The following SDK1 variants were observed in gnomAD, a reference collection of about 807,000 sequenced individuals.
The protein encoded by SDK1 is sidekick cell adhesion molecule 1.
SDK1 carries 157 observed loss-of-function variants against 245.5 expected under a neutral mutation model. The observed-to-expected ratio is 0.64, with a 90% CI of 0.56 to 0.73. The LOEUF (loss-of-function observed/expected upper bound fraction) is 0.73, where lower values mean the gene tolerates loss of function less well. Among genes scored for constraint, SDK1 ranks in the 30% least tolerant of loss-of-function variants. The pLI, the probability that SDK1 is intolerant of heterozygous loss-of-function variation, is 0.00. For missense variants in SDK1, 3,583 were observed against 3,002.3 expected, an observed-to-expected ratio of 1.19 and a Z score of -4.52; for synonymous variants, 1,647 against 1,278.5, an observed-to-expected ratio of 1.29 and a Z score of -6.15.
chr7:3,752,864 C>G (rs1282724902), intron 4 of SDK1, among the ~76,000 whole-genome samples: 1 of 152,204 alleles, frequency 6.6e-6, no homozygotes, highest in Non-Finnish European at 1.5e-5. Context: ...TATCTTAACA[C>G]AGTCTTGGAA....
chr7:4,242,014 G>A, intron 43 of SDK1, 101 bp downstream of exon 43: 3 of 1,429,838 alleles, frequency 2.1e-6, no homozygotes, highest in Non-Finnish European at 2.8e-6. Context: ...CCGCCCTGTG[G>A]TTCCAGGAAG....
At chr7:3,527,365 G>C (rs537376020) in intron 1 of SDK1, among the ~76,000 whole-genome samples, 1 of 152,284 alleles carries the variant, frequency 6.6e-6, no homozygotes, top group East Asian at 1.9e-4. Flanking sequence ...TGAACGTGGA[G>C]ATGAAGGCAT....
intron 5 of SDK1, among the ~76,000 whole-genome samples, chr7:3,888,909 A>G (rs1781395577): frequency 6.6e-6 from 1 of 152,242 alleles, no homozygotes; most frequent in South Asian, 2.1e-4. Context: ...TGTGTCTAAA[A>G]ATTGCAAGAG....
At chr7:3,859,792 C>G (rs1043957370) in intron 5 of SDK1, among the ~76,000 whole-genome samples, 1 of 152,194 alleles carries the variant, frequency 6.6e-6, no homozygotes, top group African/African-American at 2.4e-5. Flanking sequence ...TCACACTTCT[C>G]CAGATCCATT....
At position 4,079,577 on chromosome 7, in the gene SDK1, A is replaced by G; in HGVS notation, c.3317A>G (p.Glu1106Gly). 6.2e-7 allele frequency: 1 copy of G among 1,614,100 alleles called. No individual in the cohort carries two copies. Among genetic ancestry groups the G allele is most frequent in the Admixed American group, 1.7e-5 (1 of 60,024 alleles). Residue 1106 changes from glutamate to glycine, a missense_variant, in exon 22 of 45, where the codon GAG becomes GGG. Glu to Gly is a moderately conservative substitution (Grantham distance 98). Transcript: ENST00000404826. ...GKTSISRWIV[E>G]GQVGAIGDEE... ...ACGTCCATCTCCAGGTGGATTGTTG[A>G]GGGGCAGGTACGTGTGTCGTTAGAC...
At chr7:4,183,072 AT>A (rs1417584525) in intron 35 of SDK1, among the ~76,000 whole-genome samples, 1 of 152,086 alleles carries the variant, frequency 6.6e-6, no homozygotes, top group Non-Finnish European at 1.5e-5. Context: ...GGTGCTGCTG[AT>A]TGGCTGGGGA....
chr7:3,504,624 T>G (rs556360221), intron 1 of SDK1, among the ~76,000 whole-genome samples: 6 of 152,152 alleles, frequency 3.9e-5, no homozygotes, highest in Non-Finnish European at 8.8e-5. Context: ...AAAGAATGTT[T>G]AGATCCCTAC....
At chr7:3,480,272 C>T (rs530784832) in intron 1 of SDK1, among the ~76,000 whole-genome samples, 69 of 152,200 alleles carry the variant, frequency 4.5e-4, no homozygotes, top group East Asian at 9.7e-4. Context: ...TGAAAGCTAG[C>T]GGTATCAACA....
chr7:3,894,190 T>C (rs972013973), intron 5 of SDK1, among the ~76,000 whole-genome samples: 4 of 152,246 alleles, frequency 2.6e-5, no homozygotes, highest in African/African-American at 9.6e-5. Context: ...AACATTTTAA[T>C]GTACTACCGA....
chr7:3,607,218 T>C (rs1348492070), intron 1 of SDK1, among the ~76,000 whole-genome samples: 1 of 152,178 alleles, frequency 6.6e-6, no homozygotes, highest in Non-Finnish European at 1.5e-5. Context: ...CCTTTTATTT[T>C]AAGGCTCACC....
chr7:3,613,526 C>A (rs1376600515), intron 1 of SDK1, among the ~76,000 whole-genome samples: 1 of 152,112 alleles, frequency 6.6e-6, no homozygotes. Context: ...TTTTGATTTG[C>A]ATTTCTCTAA....
rs1562849367 is a variant in SDK1, at chr7:4,127,267, G to C, written c.3824-114G>C. 3.9e-6 allele frequency: 3 copies of C among 776,482 alleles called. No homozygotes were observed. The South Asian group carries it at 4.5e-5, about 12-fold the overall frequency. 48.1% of individuals were successfully genotyped at this position (776,482 alleles called of 1,614,324 possible). ...AGGTTTAATCTGATCACTACAAAATGCTTAGAATACGTTGCTATTTCAAGG... is the reference window on the plus strand; with the variant it reads ...AGGTTTAATCTGATCACTACAAAATCCTTAGAATACGTTGCTATTTCAAGG... On this transcript the variant is annotated intron_variant, in intron 25 of 44. Coordinates refer to ENST00000404826, the MANE Select transcript of SDK1 (RefSeq NM_152744.4).
At chr7:3,725,154 T>G (rs1455453321) in intron 4 of SDK1, among the ~76,000 whole-genome samples, 2 of 152,190 alleles carry the variant, frequency 1.3e-5, no homozygotes, top group Non-Finnish European at 2.9e-5. Flanking sequence ...AGAGTTCAGT[T>G]AAGAAGGAAT....
At chr7:3,438,027 C>T (rs1005525649) in intron 1 of SDK1, among the ~76,000 whole-genome samples, 17 of 152,132 alleles carry the variant, frequency 1.1e-4, no homozygotes. Flanking sequence ...TGGAATTATT[C>T]TGCATTTTAT....
Position 4,233,278 on chromosome 7 carries a change from G to A in SDK1, c.5851G>A (p.Val1951Met), listed in dbSNP as rs747039582. The change falls in exon 41 of 45, where the codon GTG becomes ATG. Residue 1951 changes from valine to methionine, a missense_variant. By Grantham distance (21) the Val-to-Met change is conservative. Coordinates refer to ENST00000404826, the MANE Select transcript of SDK1 (RefSeq NM_152744.4). ...PSDEGLWDMF[V>M]KDIPRSATSY... ...AGATGAAGGCTTATGGGACATGTTTGTGAAGGACATCCCGCGGAGCGCCAC... is the reference window on the plus strand; with the variant it reads ...AGATGAAGGCTTATGGGACATGTTTATGAAGGACATCCCGCGGAGCGCCAC... 6.2e-7 allele frequency: 1 copy of A among 1,613,824 alleles called. No homozygotes were observed. The highest frequency in any genetic ancestry group is 1.1e-5 in the South Asian group (1 of 91,080).
intron 1 of SDK1, among the ~76,000 whole-genome samples, chr7:3,608,993 A>G (rs1307403309): frequency 6.6e-6 from 1 of 152,214 alleles, no homozygotes; most frequent in Non-Finnish European, 1.5e-5. Flanking sequence ...GTGAGAATCT[A>G]GTTGTCCTTT....
intron 1 of SDK1, among the ~76,000 whole-genome samples, chr7:3,478,302 G>C (rs528377898): frequency 6.6e-6 from 1 of 151,924 alleles, no homozygotes; most frequent in African/African-American, 2.4e-5. Context: ...AATGATGAGA[G>C]TGTTGACTTA....
chr7:4,063,512 T>C (rs990525050), intron 19 of SDK1, among the ~76,000 whole-genome samples: 8 of 151,546 alleles, frequency 5.3e-5, no homozygotes, highest in African/African-American at 1.9e-4. Context: ...GAATTAGCAT[T>C]ATTAAAATGA....
intron 32 of SDK1, among the ~76,000 whole-genome samples, chr7:4,166,110 T>G (rs1414886931): frequency 6.6e-6 from 1 of 152,224 alleles, no homozygotes; most frequent in African/African-American, 2.4e-5. Flanking sequence ...TGAGACTGTT[T>G]TCTAGCAAAG....
Sources: gnomAD v4.1 joint callset for allele counts (sites outside exome capture counted in the v4.1 genomes callset) on GRCh38, gnomAD v4.1.1 for gene constraint, MANE v1.5 for transcripts, NCBI Gene and HGNC (gene_info 2026-07-23, HGNC 2026-07-21) for gene names.